RPS6KA2: variants seen among roughly 807,000 people sequenced by gnomAD.
RPS6KA2 encodes ribosomal protein S6 kinase A2.
RPS6KA2 carries 42 observed loss-of-function variants against 91.8 expected under a neutral mutation model. The observed-to-expected ratio is 0.46, with a 90% CI of 0.36 to 0.59. The LOEUF is 0.59. Among genes scored for constraint, RPS6KA2 ranks in the 20% least tolerant of loss-of-function variants. The probability of loss-of-function intolerance (pLI) is 0.00; values close to 1 mark genes in which losing one functional copy is unlikely to be tolerated. For missense variants in RPS6KA2, 798 were observed against 978.5 expected, an observed-to-expected ratio of 0.82 and a Z score of 2.46; for synonymous variants, 414 against 393.6, an observed-to-expected ratio of 1.05 and a Z score of -0.61.
intron 3 of RPS6KA2, among the ~76,000 whole-genome samples, chr6:166,517,448 T>C (rs1306802778): frequency 1.7e-5 from 2 of 120,242 alleles, no homozygotes; most frequent in Non-Finnish European, 3.2e-5. Context: ...AGGCGTTCTT[T>C]TGTTTTGTTT....
chr6:166,727,284 G>T (rs947782968), intron 2 of RPS6KA2, among the ~76,000 whole-genome samples: 1 of 151,224 alleles, frequency 6.6e-6, no homozygotes, highest in Non-Finnish European at 1.5e-5. Flanking sequence ...TTATTATATC[G>T]CATCTTATAA....
intron 2 of RPS6KA2, among the ~76,000 whole-genome samples, chr6:166,660,344 G>A (rs1041058612): frequency 8.0e-6 from 1 of 125,112 alleles, no homozygotes; most frequent in Non-Finnish European, 1.8e-5. Context: ...GTGTGTGCGG[G>A]TTGGTGTGTG....
chr6:166,822,539 C>T (rs1779930271), intron 2 of RPS6KA2, among the ~76,000 whole-genome samples: 1 of 152,192 alleles, frequency 6.6e-6, no homozygotes, highest in African/African-American at 2.4e-5. Flanking sequence ...GTGAAAGCTG[C>T]CGAGTCTGTG....
At chr6:166,498,863 CG>C (rs1562536170) in intron 7 of RPS6KA2, among the ~76,000 whole-genome samples, 1 of 152,212 alleles carries the variant, frequency 6.6e-6, no homozygotes, top group Non-Finnish European at 1.5e-5. Flanking sequence ...ATCCTCAAAG[CG>C]TGAGGAGTTC....
In RPS6KA2 at chr6:166,478,196, C is replaced by T. The variant is rs1026217103; in HGVS notation, c.908-8291G>A. On this transcript the variant is annotated intron_variant, in intron 10 of 20. Transcript: ENST00000265678. ...AGAGGGAGTGGCAGAGGTGGGGTCG[C>T]GGTGCCTGCCACCTGAGGCGGCACG... 3.3e-4 allele frequency among the ~76,000 whole-genome samples: 50 copies of T among 152,290 alleles called. 1 individual carries two copies. The highest frequency in any genetic ancestry group is 2.9e-5 in the Non-Finnish European group (2 of 68,020).
intron 2 of RPS6KA2, among the ~76,000 whole-genome samples, chr6:166,667,769 C>T (rs937361189): frequency 3.7e-4 from 57 of 152,194 alleles, no homozygotes; most frequent in African/African-American, 1.4e-3. Context: ...ACACCTTTAA[C>T]ACTACAGCTA....
In RPS6KA2 at chr6:166,818,644, G is replaced by A. The variant is rs568562033; in HGVS notation, c.123+39556C>T. On this transcript the variant is annotated intron_variant, in intron 2 of 21. Coordinates refer to the RPS6KA2 transcript ENST00000503859. The stretch of plus-strand genomic sequence containing the variant: ...CATTCAGAGACCGTTGCCTGTGCTT[G>A]TTATTAAAGTGGAGGTTGAAAACAG... Among the ~76,000 whole-genome samples, 16 of 152,264 alleles carry A rather than the reference G, an allele frequency of 1.1e-4. 1 individual carries two copies. In the South Asian group the frequency reaches 3.1e-3, roughly 30 times the overall value.
In RPS6KA2 at chr6:166,563,564, C is replaced by T. The variant is rs946205626; in HGVS notation, c.100-24780G>A. ...TGAGCGGCTGACCAGTCACCAGACT[C>T]ACCCCCACCCGCCCTCTCCCCTCCA... On this transcript the variant is annotated intron_variant, in intron 1 of 20. Transcript: ENST00000265678. The surrounding 1 kb of genome is among the most constrained non-coding windows in gnomAD (Gnocchi z 4.1). Among the ~76,000 whole-genome samples the T allele has an allele frequency of 6.6e-6, 1 of 152,044 alleles. No homozygotes were observed. Among genetic ancestry groups the T allele is most frequent in the African/African-American group, 2.4e-5 (1 of 41,398 alleles).
chr6:166,659,066 C>CA, intron 2 of RPS6KA2, among the ~76,000 whole-genome samples: 1 of 118,388 alleles, frequency 8.4e-6, no homozygotes, highest in East Asian at 2.7e-4. Context: ...CCCCACAACA[C>CA]CCCCCCTTTT....
At chr6:166,486,922 T>C (rs1175315007) in intron 10 of RPS6KA2, among the ~76,000 whole-genome samples, 1 of 152,210 alleles carries the variant, frequency 6.6e-6, no homozygotes, top group Admixed American at 6.5e-5. Flanking sequence ...AAAACAAGAA[T>C]TAACCGGCCC....
intron 6 of RPS6KA2, among the ~76,000 whole-genome samples, chr6:166,501,814 C>A (rs972674163): frequency 2.0e-5 from 3 of 152,120 alleles, no homozygotes; most frequent in Non-Finnish European, 4.4e-5. Context: ...CCTAAAGAGA[C>A]CAGGAAGTGG....
Position 166,412,774 on chromosome 6 carries a change from GGACGT to G in RPS6KA2, c.2185_2189del (p.Thr729HisfsTer34). ...AGGGTCCCACCCGCTACAGCCGCGT[GGACGT>G]GAGTCTCTTCATGCCTCTGCGCTGA... is the stretch of plus-strand genomic sequence containing the variant. On this transcript the variant is annotated frameshift_variant, in exon 21 of 21. Coordinates refer to ENST00000265678, the MANE Select transcript of RPS6KA2 (RefSeq NM_021135.6). LOFTEE classifies it high-confidence loss of function. This position sits in a 1 kb window ranked among gnomAD's most constrained non-coding sequence, Gnocchi z 4.3. 6.3e-7 allele frequency: 1 copy of G among 1,598,776 alleles called. No homozygotes were observed. Among genetic ancestry groups the G allele is most frequent in the Non-Finnish European group, 8.5e-7 (1 of 1,174,452 alleles).
chr6:166,838,319 C>T (rs7753050), intron 2 of RPS6KA2, among the ~76,000 whole-genome samples: 7,956 of 152,196 alleles, frequency 0.052, 720 homozygotes, highest in African/African-American at 0.18. Context: ...CGCAATGGTT[C>T]TGGGGAAGGC....
intron 14 of RPS6KA2, among the ~76,000 whole-genome samples, chr6:166,443,252 C>T (rs1779574956): frequency 6.6e-6 from 1 of 152,088 alleles, no homozygotes; most frequent in South Asian, 2.1e-4. Context: ...CAAGATGGAT[C>T]GTCTGTCTGA....
chr6:166,737,848 C>T lies in RPS6KA2; in HGVS notation c.123+120352G>A, dbSNP rs1583063028. Reference sequence around the variant, plus strand: ...TTTAAATCTGTATTAGTTATTTTCTCATAAACAGAAATAACTTTGATTATG... The same window carrying T: ...TTTAAATCTGTATTAGTTATTTTCTTATAAACAGAAATAACTTTGATTATG... On this transcript the variant is annotated intron_variant, in intron 2 of 21. Coordinates refer to the RPS6KA2 transcript ENST00000503859. This position sits in a 1 kb window ranked among gnomAD's most constrained non-coding sequence, Gnocchi z 4.3. Among the ~76,000 whole-genome samples, 1 of 152,208 alleles carries T rather than the reference C, an allele frequency of 6.6e-6. No individual in the cohort carries two copies. The highest frequency in any genetic ancestry group is 1.9e-4 in the East Asian group (1 of 5,206).
chr6:166,571,833 A>G (rs1784697347), intron 1 of RPS6KA2, among the ~76,000 whole-genome samples: 1 of 152,224 alleles, frequency 6.6e-6, no homozygotes, highest in Admixed American at 6.5e-5. Context: ...TTGTATCAAA[A>G]ATCATAATCT....
At chr6:166,472,386 TG>T (rs1780806542) in intron 10 of RPS6KA2, among the ~76,000 whole-genome samples, 1 of 152,218 alleles carries the variant, frequency 6.6e-6, no homozygotes, top group African/African-American at 2.4e-5. Context: ...AACTGGTATA[TG>T]CTGGGTTTAC....
intron 20 of RPS6KA2, among the ~76,000 whole-genome samples, chr6:166,413,575 A>T (rs987654834): frequency 1.3e-5 from 2 of 152,236 alleles, no homozygotes; most frequent in Non-Finnish European, 2.9e-5. Flanking sequence ...AGCTGCCACC[A>T]CGTCAGCAGA....
intron 2 of RPS6KA2, among the ~76,000 whole-genome samples, chr6:166,829,628 G>C (rs1469980236): frequency 6.8e-6 from 1 of 148,080 alleles, no homozygotes; most frequent in African/African-American, 2.5e-5. Flanking sequence ...ATTATTATAT[G>C]GTCCATCAAT....
Sources: allele counts gnomAD v4.1 joint callset (sites outside exome capture counted in the v4.1 genomes callset), GRCh38; gene constraint gnomAD v4.1.1; non-coding constraint Gnocchi (gnomAD v3.1); transcripts MANE v1.5; gene names NCBI Gene and HGNC (gene_info 2026-07-23, HGNC 2026-07-21).